UVRAG: variants seen among roughly 807,000 people sequenced by gnomAD.
UVRAG encodes the protein UV radiation resistance associated.
In UVRAG, 19 loss-of-function variants were observed where a neutral mutation model predicts 78.0. The ratio of observed to expected loss-of-function variants is 0.24; its 90% confidence interval spans 0.17 to 0.36. The LOEUF (loss-of-function observed/expected upper bound fraction) is 0.36. Among genes scored for constraint, UVRAG ranks in the 10% least tolerant of loss-of-function variants. The pLI is 1.00. For synonymous variants in UVRAG, 323 were observed against 324.6 expected (o/e 1.00, Z 0.05); for missense variants, 740 against 853.8 (o/e 0.87, Z 1.66).
intron 5 of UVRAG, among the ~76,000 whole-genome samples, chr11:75,891,081 C>T (rs1294137740): frequency 6.6e-6 from 1 of 152,116 alleles, no homozygotes; most frequent in Non-Finnish European, 1.5e-5. Context: ...CTCTGATAGA[C>T]ATTTTTCTTT....
At chr11:75,967,877 G>A (rs1355383870) in intron 7 of UVRAG, among the ~76,000 whole-genome samples, 2 of 152,156 alleles carry the variant, frequency 1.3e-5, no homozygotes, top group African/African-American at 2.4e-5. Context: ...TTAGTAATAT[G>A]CGAATATGTT....
intron 5 of UVRAG, among the ~76,000 whole-genome samples, chr11:75,898,410 T>C (rs559728588): frequency 1.3e-5 from 2 of 152,322 alleles, no homozygotes; most frequent in East Asian, 3.9e-4. Context: ...TTTATTGTAG[T>C]TTTTTGAATT....
chr11:75,983,617 C>T, intron 8 of UVRAG, 104 bp downstream of exon 8: 1 of 1,373,008 alleles, frequency 7.3e-7, no homozygotes, highest in Non-Finnish European at 9.6e-7. Context: ...AATACAGTCA[C>T]ACATCACTTA....
chr11:75,958,861 T>C (rs1948857732), intron 6 of UVRAG, among the ~76,000 whole-genome samples: 1 of 152,258 alleles, frequency 6.6e-6, no homozygotes, highest in East Asian at 1.9e-4. Context: ...ATCCATGGGC[T>C]ACAGAATGGA....
intron 8 of UVRAG, among the ~76,000 whole-genome samples, chr11:75,993,893 G>A (rs1348069277): frequency 1.3e-5 from 2 of 152,098 alleles, no homozygotes; most frequent in African/African-American, 4.8e-5. Flanking sequence ...GTATCACATG[G>A]TGAAAGTGGA....
Position 76,050,311 on chromosome 11 carries a change from C to T in UVRAG, c.1227-15399C>T, listed in dbSNP as rs576830295. Among the ~76,000 whole-genome samples, 14 of 152,202 alleles carry T rather than the reference C, an allele frequency of 9.2e-5. No individual in the cohort carries two copies. The East Asian group carries it at 1.7e-3, about 19-fold the overall frequency. On this transcript the variant is annotated intron_variant, in intron 12 of 14. Transcript: ENST00000356136. ...AACATACCTGAATCTTGAAATCTTC[C>T]GTATTGATTCCTGTGTTTTGTTTTT... is the stretch of plus-strand genomic sequence containing the variant.
At chr11:75,946,653 T>G (rs1255811277) in intron 6 of UVRAG, among the ~76,000 whole-genome samples, 1 of 152,160 alleles carries the variant, frequency 6.6e-6, no homozygotes, top group Non-Finnish European at 1.5e-5. Context: ...TTCCTTGTGG[T>G]TTATAGGACT....
intron 14 of UVRAG, among the ~76,000 whole-genome samples, chr11:76,134,677 G>A (rs1454408951): frequency 6.6e-6 from 1 of 152,196 alleles, no homozygotes; most frequent in Non-Finnish European, 1.5e-5. Flanking sequence ...CTTGGAATTT[G>A]AAGCCTACTG....
At chr11:76,111,371 G>GT (rs1458463158) in intron 13 of UVRAG, among the ~76,000 whole-genome samples, 5 of 152,094 alleles carry the variant, frequency 3.3e-5, no homozygotes, top group African/African-American at 1.2e-4. Context: ...AGGAGGGTAG[G>GT]TTGACAGTCT....
At chr11:76,113,860 A>T (rs2134463973) in intron 13 of UVRAG, among the ~76,000 whole-genome samples, 1 of 152,220 alleles carries the variant, frequency 6.6e-6, no homozygotes, top group East Asian at 1.9e-4. Context: ...TTAAAAAAAA[A>T]ATAGTACTAT....
At chr11:76,082,052 A>T (rs1951504899) in intron 13 of UVRAG, among the ~76,000 whole-genome samples, 1 of 152,120 alleles carries the variant, frequency 6.6e-6, no homozygotes, top group Admixed American at 6.5e-5. Flanking sequence ...AAGGGTAGTG[A>T]CTAACTACCT....
chr11:76,081,982 A>C (rs1951503789), intron 13 of UVRAG, among the ~76,000 whole-genome samples: 1 of 151,870 alleles, frequency 6.6e-6, no homozygotes, highest in Non-Finnish European at 1.5e-5. Context: ...ATTTATGTAT[A>C]GTTCAAAACC....
At chr11:75,824,743 G>C (rs1038082657) in intron 1 of UVRAG, among the ~76,000 whole-genome samples, 1 of 141,260 alleles carries the variant, frequency 7.1e-6, no homozygotes, top group Non-Finnish European at 1.5e-5. Context: ...GCACGATCTC[G>C]GCTCACTGCA....
At chr11:76,125,716 A>G (rs369726616) in intron 14 of UVRAG, among the ~76,000 whole-genome samples, 22 of 152,174 alleles carry the variant, frequency 1.4e-4, no homozygotes, top group East Asian at 3.9e-4. Flanking sequence ...CTTTATTTCT[A>G]TTTACTCCTT....
At chr11:76,058,534 C>CAA (rs71471400) in intron 12 of UVRAG, among the ~76,000 whole-genome samples, 2,157 of 111,150 alleles carry the variant, frequency 0.019, 27 homozygotes, top group Middle Eastern at 0.04. Flanking sequence ...ACCCTATCTC[C>CAA]AAAAAAAAAA....
intron 1 of UVRAG, among the ~76,000 whole-genome samples, chr11:75,821,826 G>A (rs960082472): frequency 1.3e-5 from 2 of 151,922 alleles, no homozygotes; most frequent in African/African-American, 2.4e-5. Context: ...TCTGGAATTA[G>A]TCTGATGTTT....
At chr11:75,822,562 G>T (rs544883469) in intron 1 of UVRAG, among the ~76,000 whole-genome samples, 2 of 151,996 alleles carry the variant, frequency 1.3e-5, no homozygotes, top group South Asian at 4.2e-4. Flanking sequence ...ACTTCTTACC[G>T]ACTGGCTATA....
At chr11:76,102,019 C>T (rs552312850) in intron 13 of UVRAG, among the ~76,000 whole-genome samples, 1 of 152,280 alleles carries the variant, frequency 6.6e-6, no homozygotes, top group African/African-American at 2.4e-5. Flanking sequence ...AGCGTGGTGT[C>T]TCCTGCTTTG....
At chr11:76,009,759 T>C (rs1429423242) in intron 11 of UVRAG, among the ~76,000 whole-genome samples, 4 of 152,086 alleles carry the variant, frequency 2.6e-5, no homozygotes, top group Non-Finnish European at 4.4e-5. Flanking sequence ...AAACCAGGAG[T>C]TGGAAAACCT....
Sources: gnomAD v4.1 joint callset for allele counts (sites outside exome capture counted in the v4.1 genomes callset) on GRCh38, gnomAD v4.1.1 for gene constraint, MANE v1.5 for transcripts, NCBI Gene and HGNC (gene_info 2026-07-23, HGNC 2026-07-21) for gene names.